Variants in GALNT18 observed in about 807,000 individuals in gnomAD.
GALNT18 encodes the protein polypeptide N-acetylgalactosaminyltransferase 18, also known as GalNAc-transferase 18.
In GALNT18, 44 loss-of-function variants were observed where a neutral mutation model predicts 69.5. That is an observed-to-expected ratio of 0.63 (90% CI 0.50 to 0.81). GALNT18 has a LOEUF of 0.81. Among genes scored for constraint, GALNT18 ranks in the 40% least tolerant of loss-of-function variants. GALNT18 has a pLI of 0.00. For missense variants in GALNT18, 715 were observed against 810.0 expected (o/e 0.88, Z 1.42); for synonymous variants, 364 against 318.2 (o/e 1.14, Z -1.53).
intron 1 of GALNT18, among the ~76,000 whole-genome samples, chr11:11,513,446 G>A (rs1252209185): frequency 6.6e-6 from 1 of 152,190 alleles, no homozygotes; most frequent in Non-Finnish European, 1.5e-5. Flanking sequence ...TGGCCACAGG[G>A]TCTATCTCTT....
intron 3 of GALNT18, among the ~76,000 whole-genome samples, chr11:11,381,831 G>A (rs546566260): frequency 7.0e-4 from 107 of 152,254 alleles, no homozygotes; most frequent in African/African-American, 2.4e-3. Context: ...GCTGCCCAGT[G>A]ATCCCAGCCT....
At position 11,436,533 on chromosome 11, in the gene GALNT18, C is replaced by T. The variant is rs1855406568; in HGVS notation, c.429-3746G>A. On this transcript the variant is annotated intron_variant, in intron 2 of 10. Transcript: ENST00000227756. The surrounding 1 kb of genome is among the most constrained non-coding windows in gnomAD (Gnocchi z 4.5). ...GACTGGCCTTGCTCACAGCCTCCTGCCCACTGCCTCACACCATGATGCAAG... is the reference window on the plus strand; with the variant it reads ...GACTGGCCTTGCTCACAGCCTCCTGTCCACTGCCTCACACCATGATGCAAG... 6.6e-6 allele frequency among the ~76,000 whole-genome samples: 1 copy of T among 152,146 alleles called. No homozygotes were observed. Among genetic ancestry groups the T allele is most frequent in the Non-Finnish European group, 1.5e-5 (1 of 68,026 alleles).
chr11:11,453,036 C>T (rs1159630811), intron 1 of GALNT18, among the ~76,000 whole-genome samples: 1 of 152,132 alleles, frequency 6.6e-6, no homozygotes, highest in Non-Finnish European at 1.5e-5. Flanking sequence ...CGCCCCCTGC[C>T]CTCACCCAGC....
intron 1 of GALNT18, among the ~76,000 whole-genome samples, chr11:11,486,292 G>A (rs1426348266): frequency 6.6e-6 from 1 of 152,166 alleles, no homozygotes; most frequent in East Asian, 1.9e-4. Flanking sequence ...TGCTCTGAAA[G>A]TCAGAAGCCC....
chr11:11,449,030 A>G (rs576385631), intron 1 of GALNT18, 94 bp from the exon 2 acceptor site: 3 of 1,078,678 alleles, frequency 2.8e-6, no homozygotes, highest in East Asian at 5.3e-5. Context: ...AGCCTTTGGT[A>G]AAACAATCTT....
intron 1 of GALNT18, among the ~76,000 whole-genome samples, chr11:11,530,113 C>G (rs188327111): frequency 3.3e-5 from 5 of 152,238 alleles, no homozygotes; most frequent in African/African-American, 1.2e-4. Flanking sequence ...CAGGCTCATT[C>G]ACATGCACCG....
At chr11:11,351,807 C>T (rs1029697164) in intron 6 of GALNT18, 26 of 704,712 alleles carry the variant, frequency 3.7e-5, no homozygotes, top group Non-Finnish European at 5.6e-5. Flanking sequence ...TATGACTGAA[C>T]TACTATAAAT....
At position 11,606,451 on chromosome 11, in the gene GALNT18, C is replaced by T. The variant is rs1000162853; in HGVS notation, c.235+14908G>A. Reference sequence around the variant, plus strand: ...ACAGTGCTAAACATCTGGTACATGGCTGATAAATGTGAATTTTCTCTCTTT... The same window carrying T: ...ACAGTGCTAAACATCTGGTACATGGTTGATAAATGTGAATTTTCTCTCTTT... On this transcript the variant is annotated intron_variant, in intron 1 of 10. Transcript: ENST00000227756. This position sits in a 1 kb window ranked among gnomAD's most constrained non-coding sequence, Gnocchi z 5.4. 3.3e-4 allele frequency among the ~76,000 whole-genome samples: 50 copies of T among 152,284 alleles called. No individual in the cohort carries two copies. The highest frequency in any genetic ancestry group is 1.2e-3 in the African/African-American group (49 of 41,548).
intron 1 of GALNT18, among the ~76,000 whole-genome samples, chr11:11,608,771 ACT>A (rs2133958615): frequency 2.0e-5 from 3 of 151,934 alleles, no homozygotes; most frequent in Non-Finnish European, 4.4e-5. Context: ...CTGCCTGCAC[ACT>A]CTCTTCCACC....
chr11:11,481,656 A>G (rs146435440), intron 1 of GALNT18, among the ~76,000 whole-genome samples: 33 of 152,292 alleles, frequency 2.2e-4, no homozygotes, highest in African/African-American at 7.7e-4. Context: ...ACCAATGGAA[A>G]GAGAAAGCAC....
chr11:11,510,126 C>T (rs1857139590), intron 1 of GALNT18, among the ~76,000 whole-genome samples: 1 of 152,180 alleles, frequency 6.6e-6, no homozygotes, highest in African/African-American at 2.4e-5. Flanking sequence ...TCAGCTGCAG[C>T]CCAAAAGGAG....
chr11:11,568,862 T>C (rs1397542696), intron 1 of GALNT18, among the ~76,000 whole-genome samples: 4 of 152,222 alleles, frequency 2.6e-5, no homozygotes, highest in Non-Finnish European at 5.9e-5. Context: ...AAGAAGCCTG[T>C]GGCCAATATA....
intron 1 of GALNT18, among the ~76,000 whole-genome samples, chr11:11,579,767 T>C (rs10831645): frequency 0.38 from 58,174 of 152,146 alleles, 12,930 homozygotes; most frequent in East Asian, 0.65. Flanking sequence ...ATTGTATAAA[T>C]CAATGTGCTA....
At chr11:11,611,438 A>T (rs10741557) in intron 1 of GALNT18, among the ~76,000 whole-genome samples, 119,583 of 152,092 alleles carry the variant, frequency 0.79, 47,513 homozygotes, top group Middle Eastern at 0.88. Context: ...GTAACCTTCA[A>T]GCAAGTCAGC....
At chr11:11,399,862 C>G (rs993988327) in intron 3 of GALNT18, among the ~76,000 whole-genome samples, 1 of 152,170 alleles carries the variant, frequency 6.6e-6, no homozygotes, top group Admixed American at 6.5e-5. Flanking sequence ...TAACATTTAT[C>G]GAGCACTTAC....
chr11:11,348,332 C>T lies in GALNT18; in HGVS notation c.1093-7328G>A, dbSNP rs377746758. On this transcript the variant is annotated intron_variant, in intron 6 of 10. Transcript: ENST00000227756. ...GGCGGAGATTGCAGTGAGCCAAGAT[C>T]GCGCCATTGCACTCCAGCCTGGGTG... is the stretch of plus-strand genomic sequence containing the variant. 2.3e-4 allele frequency among the ~76,000 whole-genome samples: 34 copies of T among 148,178 alleles called. No homozygotes were observed. In the East Asian group the frequency reaches 5.2e-3, roughly 23 times the overall value.
rs1857974109 is a variant in GALNT18, at chr11:11,543,548, T to A, written c.235+77811A>T. On this transcript the variant is annotated intron_variant, in intron 1 of 10. Coordinates refer to ENST00000227756, the MANE Select transcript of GALNT18 (RefSeq NM_198516.3). This position sits in a 1 kb window ranked among gnomAD's most constrained non-coding sequence, Gnocchi z 5.1. ...ATTCACCAAGTGCTGCTGGAGTCTT[T>A]CCCACAGCATGCCAGGGGCCAGGGG... 6.6e-6 allele frequency among the ~76,000 whole-genome samples: 1 copy of A among 152,058 alleles called. No homozygotes were observed. The highest frequency in any genetic ancestry group is 1.5e-5 in the Non-Finnish European group (1 of 67,996).
At chr11:11,322,320 C>A (rs1056828352) in intron 9 of GALNT18, among the ~76,000 whole-genome samples, 4 of 152,218 alleles carry the variant, frequency 2.6e-5, no homozygotes, top group Admixed American at 1.3e-4. Context: ...GATACTGTCC[C>A]ATATTGTATC....
chr11:11,416,857 C>T lies in GALNT18; in HGVS notation c.595+15764G>A, dbSNP rs1854876709. Among the ~76,000 whole-genome samples the T allele has an allele frequency of 2.6e-5, 4 of 152,198 alleles. No homozygotes were observed. In the South Asian group the frequency reaches 8.3e-4, roughly 32 times the overall value. On this transcript the variant is annotated intron_variant, in intron 3 of 10. Transcript: ENST00000227756. ...ACCTCAAAATGATAGCAGCCCAAAC[C>T]CTGAGCCAACCCATGAATAGGACTG...
Sources: allele counts gnomAD v4.1 joint callset (sites outside exome capture counted in the v4.1 genomes callset), GRCh38; gene constraint gnomAD v4.1.1; non-coding constraint Gnocchi (gnomAD v3.1); transcripts MANE v1.5; gene names NCBI Gene and HGNC (gene_info 2026-07-23, HGNC 2026-07-21).